The following CPQ variants were observed in gnomAD, a reference collection of about 807,000 sequenced individuals.
CPQ encodes the protein Ser-Met dipeptidase.
In CPQ, 37 loss-of-function variants were observed where a neutral mutation model predicts 45.7. The observed-to-expected ratio is 0.81, with a 90% CI of 0.62 to 1.07. The LOEUF is 1.07. CPQ is among the 50% of genes least tolerant of loss of function. The pLI, the probability that CPQ is intolerant of heterozygous loss-of-function variation, is 0.00. For synonymous variants in CPQ, 186 were observed against 205.8 expected (o/e 0.90, Z 0.82); for missense variants, 537 against 572.9 (o/e 0.94, Z 0.64).
intron 4 of CPQ, among the ~76,000 whole-genome samples, chr8:96,908,194 G>C (rs921288186): frequency 1.3e-5 from 2 of 151,836 alleles, no homozygotes; most frequent in Admixed American, 1.3e-4. Context: ...AGGGAGAAGA[G>C]AGAGAGAAGA....
At chr8:96,695,313 G>A (rs1439418012) in intron 1 of CPQ, among the ~76,000 whole-genome samples, 6 of 145,188 alleles carry the variant, frequency 4.1e-5, no homozygotes, top group African/African-American at 7.7e-5. Context: ...AGACTTAAAC[G>A]TTAGACCTAA....
At chr8:97,050,329 C>CT (rs1456007874) in intron 6 of CPQ, among the ~76,000 whole-genome samples, 1 of 152,086 alleles carries the variant, frequency 6.6e-6, no homozygotes, top group Non-Finnish European at 1.5e-5. Context: ...ATCCAGGGCC[C>CT]TTTCTGTGTG....
chr8:97,088,972 G>A (rs1220141578), intron 7 of CPQ, among the ~76,000 whole-genome samples: 1 of 152,144 alleles, frequency 6.6e-6, no homozygotes, highest in Non-Finnish European at 1.5e-5. Flanking sequence ...AGCTGGGCAT[G>A]GTGGCTCATA....
intron 1 of CPQ, among the ~76,000 whole-genome samples, chr8:96,697,955 T>C (rs1809407316): frequency 1.3e-5 from 2 of 152,058 alleles, no homozygotes; most frequent in Admixed American, 1.3e-4. Flanking sequence ...ATTAATGCAA[T>C]CCCTATCATG....
In CPQ at chr8:96,955,244, T is replaced by A. The variant is rs536214844; in HGVS notation, c.850-10691T>A. 3.7e-4 allele frequency among the ~76,000 whole-genome samples: 57 copies of A among 152,278 alleles called. No homozygotes were observed. The South Asian group carries it at 9.3e-3, about 25-fold the overall frequency. ...GTAAAAGTGTTCCTCTTTCTCCACA[T>A]CCTCTCCAGAACCTGTTGTTTCCTG... On this transcript the variant is annotated intron_variant, in intron 4 of 7. Coordinates refer to ENST00000220763, the MANE Select transcript of CPQ (RefSeq NM_016134.4).
At chr8:97,087,712 A>G (rs1811063878) in intron 7 of CPQ, among the ~76,000 whole-genome samples, 1 of 152,202 alleles carries the variant, frequency 6.6e-6, no homozygotes, top group Non-Finnish European at 1.5e-5. Flanking sequence ...AGATTTGAGA[A>G]CTGACAAGAA....
chr8:96,832,960 G>A (rs1811479342), intron 2 of CPQ, among the ~76,000 whole-genome samples: 1 of 152,058 alleles, frequency 6.6e-6, no homozygotes, highest in Non-Finnish European at 1.5e-5. Flanking sequence ...TGGTATGGGA[G>A]GGCCAGGGAG....
intron 7 of CPQ, chr8:97,092,821 T>G (rs751068876): frequency 6.6e-6 from 1 of 152,128 alleles, no homozygotes; most frequent in Non-Finnish European, 1.5e-5. Context: ...AATCGACAAG[T>G]GGGACCTAAT....
intron 1 of CPQ, among the ~76,000 whole-genome samples, chr8:96,724,811 G>A (rs1302902251): frequency 6.6e-6 from 1 of 152,070 alleles, no homozygotes; most frequent in African/African-American, 2.4e-5. Context: ...GCAATCTTAA[G>A]TAAAAAGAAT....
At chr8:96,995,289 C>T (rs535502094) in intron 5 of CPQ, among the ~76,000 whole-genome samples, 1 of 152,074 alleles carries the variant, frequency 6.6e-6, no homozygotes, top group South Asian at 2.1e-4. Context: ...ATAGTAAATG[C>T]TCAAGAAATA....
chr8:96,677,724 C>T (rs570306305), intron 1 of CPQ, among the ~76,000 whole-genome samples: 1 of 152,080 alleles, frequency 6.6e-6, no homozygotes, highest in African/African-American at 2.4e-5. Flanking sequence ...CTTTTGCAGT[C>T]TTATTCATGA....
At chr8:97,062,757 A>G (rs1810573312) in intron 6 of CPQ, among the ~76,000 whole-genome samples, 2 of 152,298 alleles carry the variant, frequency 1.3e-5, no homozygotes, top group South Asian at 4.1e-4. Context: ...TAGTTTGCTA[A>G]GGATAATGGC....
In CPQ at chr8:96,945,783, A is replaced by G. The variant is rs923153895; in HGVS notation, c.850-20152A>G. Among the ~76,000 whole-genome samples the G allele has an allele frequency of 3.9e-5, 6 of 152,190 alleles. No homozygotes were observed. In the East Asian group the frequency reaches 1.2e-3, roughly 29 times the overall value. On this transcript the variant is annotated intron_variant, in intron 4 of 7. Coordinates refer to ENST00000220763, the MANE Select transcript of CPQ (RefSeq NM_016134.4). The stretch of plus-strand genomic sequence containing the variant: ...TGTCCCCATTTTATCATATATGCCT[A>G]GGGAGAAGTCTCCATTAACTGGTTT...
chr8:96,842,548 A>G (rs1811626749), intron 3 of CPQ, among the ~76,000 whole-genome samples: 1 of 152,214 alleles, frequency 6.6e-6, no homozygotes, highest in Non-Finnish European at 1.5e-5. Context: ...GGGGAACCAG[A>G]GAAGACCCAC....
chr8:96,772,360 G>T (rs1324661631), intron 1 of CPQ, among the ~76,000 whole-genome samples: 2 of 152,092 alleles, frequency 1.3e-5, no homozygotes, highest in African/African-American at 4.8e-5. Context: ...GGTGGTGGAA[G>T]TGCCATGCAC....
intron 7 of CPQ, among the ~76,000 whole-genome samples, chr8:97,111,533 G>T (rs1284288019): frequency 6.6e-6 from 1 of 152,096 alleles, no homozygotes; most frequent in Non-Finnish European, 1.5e-5. Flanking sequence ...GATGTCCCTT[G>T]TTCACAACGA....
At chr8:96,966,200 A>G in intron 5 of CPQ, 154 bp downstream of exon 5, 1 of 538,268 alleles carries the variant, frequency 1.9e-6, no homozygotes, top group Non-Finnish European at 3.2e-6. Context: ...TTATGCTCTT[A>G]AAGAAATTTT....
chr8:96,797,025 G>T (rs1460785565), intron 2 of CPQ, among the ~76,000 whole-genome samples: 1 of 152,020 alleles, frequency 6.6e-6, no homozygotes, highest in Non-Finnish European at 1.5e-5. Context: ...TCTCAGGAAT[G>T]AATTTGAGAA....
rs941259361 is a variant in CPQ, at chr8:96,766,368, T to C, written c.-34-18496T>C. ...TTGGTGTTTATCTTCCTGCTTCTAGTTCATTAGGGCCTTTTTCTTCTGATG... is the reference window on the plus strand; with the variant it reads ...TTGGTGTTTATCTTCCTGCTTCTAGCTCATTAGGGCCTTTTTCTTCTGATG... On this transcript the variant is annotated intron_variant, in intron 1 of 7. Transcript: ENST00000220763. Among the ~76,000 whole-genome samples, 5 of 152,166 alleles carry C rather than the reference T, an allele frequency of 3.3e-5. No homozygotes were observed. In the South Asian group the frequency reaches 6.2e-4, roughly 19 times the overall value.
Sources: allele counts gnomAD v4.1 joint callset (sites outside exome capture counted in the v4.1 genomes callset), GRCh38; gene constraint gnomAD v4.1.1; transcripts MANE v1.5; gene names NCBI Gene and HGNC (gene_info 2026-07-23, HGNC 2026-07-21).